EDIL3: variants seen among roughly 807,000 people sequenced by gnomAD.
EDIL3 encodes EGF like and discoidin domains 3.
EDIL3 carries 37 observed loss-of-function variants against 67.4 expected under a neutral mutation model. The observed-to-expected ratio is 0.55, with a 90% CI of 0.42 to 0.72. The LOEUF (loss-of-function observed/expected upper bound fraction) is 0.72, where lower values mean the gene tolerates loss of function less well. Among genes scored for constraint, EDIL3 ranks in the 30% least tolerant of loss-of-function variants. The pLI is 0.00. For synonymous variants in EDIL3, 195 were observed against 196.3 expected (o/e 0.99, Z 0.05); for missense variants, 527 against 586.3 (o/e 0.90, Z 1.04).
chr5:84,357,274 A>G (rs1229681527), intron 1 of EDIL3, among the ~76,000 whole-genome samples: 1 of 151,864 alleles, frequency 6.6e-6, no homozygotes, highest in African/African-American at 2.4e-5. Context: ...TAATTTGTAC[A>G]ATTTCCATTT....
intron 4 of EDIL3, 76 bp from the exon 5 acceptor site, chr5:84,137,430 G>C (rs139832453): frequency 7.7e-7 from 1 of 1,302,568 alleles, no homozygotes; most frequent in African/African-American, 1.5e-5. Flanking sequence ...TTTAACATTT[G>C]AAATACAAAT....
chr5:84,260,398 CAG>C (rs1026892858), intron 1 of EDIL3, among the ~76,000 whole-genome samples: 1 of 152,106 alleles, frequency 6.6e-6, no homozygotes, highest in African/African-American at 2.4e-5. Flanking sequence ...GAAAGGAAGA[CAG>C]GGGAAAAACT....
chr5:84,006,861 C>A (rs1317963519), intron 9 of EDIL3, among the ~76,000 whole-genome samples: 3 of 151,640 alleles, frequency 2.0e-5, no homozygotes, highest in Non-Finnish European at 4.4e-5. Flanking sequence ...TTATTTAAAG[C>A]AAAGAAACTT....
chr5:83,955,280 G>C (rs113997010), intron 10 of EDIL3, among the ~76,000 whole-genome samples: 37 of 151,754 alleles, frequency 2.4e-4, no homozygotes, highest in African/African-American at 8.7e-4. Context: ...TTTGGCATTT[G>C]AGCACTGGGA....
chr5:84,077,105 G>T (rs1746876386), intron 6 of EDIL3, among the ~76,000 whole-genome samples: 1 of 152,170 alleles, frequency 6.6e-6, no homozygotes, highest in African/African-American at 2.4e-5. Context: ...TTACTCATAA[G>T]TGTGTAAAAT....
At chr5:84,280,421 A>G (rs16901032) in intron 1 of EDIL3, among the ~76,000 whole-genome samples, 4,561 of 152,240 alleles carry the variant, frequency 0.03, 245 homozygotes, top group African/African-American at 0.11. Context: ...ACCTGTATGT[A>G]TGTTTTTCTT....
At chr5:84,170,253 A>C (rs1231384901) in intron 4 of EDIL3, among the ~76,000 whole-genome samples, 4 of 152,320 alleles carry the variant, frequency 2.6e-5, no homozygotes, top group Admixed American at 6.5e-5. Flanking sequence ...CCCTGAATGA[A>C]AGAGAAGTTA....
At chr5:84,176,422 C>T (rs1748917141) in intron 4 of EDIL3, among the ~76,000 whole-genome samples, 1 of 150,068 alleles carries the variant, frequency 6.7e-6, no homozygotes, top group African/African-American at 2.5e-5. Context: ...CCAGATCAGC[C>T]CTCTTTTCTT....
chr5:84,158,005 C>T (rs1748524981), intron 4 of EDIL3, among the ~76,000 whole-genome samples: 1 of 151,974 alleles, frequency 6.6e-6, no homozygotes, highest in South Asian at 2.1e-4. Flanking sequence ...GTTGCTATAA[C>T]AAAGCAGCAT....
At chr5:83,962,626 TAAAAC>T (rs1229439206) in intron 10 of EDIL3, among the ~76,000 whole-genome samples, 1 of 151,334 alleles carries the variant, frequency 6.6e-6, no homozygotes, top group African/African-American at 2.4e-5. Context: ...AAAAGAAAAA[TAAAAC>T]AAACCTATGA....
intron 1 of EDIL3, among the ~76,000 whole-genome samples, chr5:84,365,306 TGCATAGAAACTTA>T (rs1425711800): frequency 6.6e-6 from 1 of 152,146 alleles, no homozygotes. Context: ...CCAGTTCTGT[TGCATAGAAACTTA>T]GCTCTAAAAC....
At chr5:84,194,211 C>T (rs1743652387) in intron 3 of EDIL3, among the ~76,000 whole-genome samples, 1 of 151,848 alleles carries the variant, frequency 6.6e-6, no homozygotes. Flanking sequence ...ATTTACCTAG[C>T]ATCTTTTTGG....
At chr5:84,053,747 G>A (rs1746386716) in intron 9 of EDIL3, among the ~76,000 whole-genome samples, 2 of 152,244 alleles carry the variant, frequency 1.3e-5, no homozygotes, top group South Asian at 4.2e-4. Context: ...ACTCTCCCAA[G>A]ACTAAACCAG....
intron 1 of EDIL3, among the ~76,000 whole-genome samples, chr5:84,360,163 G>A (rs1324177814): frequency 6.6e-6 from 1 of 152,120 alleles, no homozygotes; most frequent in Non-Finnish European, 1.5e-5. Flanking sequence ...GAGAGTTGAA[G>A]ATTTGAAGGA....
intron 10 of EDIL3, among the ~76,000 whole-genome samples, chr5:83,959,992 C>T (rs1396927511): frequency 1.3e-5 from 2 of 150,824 alleles, no homozygotes; most frequent in African/African-American, 4.8e-5. Context: ...AGACCTAATG[C>T]TCTGTAATTC....
chr5:84,042,615 G>C (rs1320606072), intron 9 of EDIL3, among the ~76,000 whole-genome samples: 1 of 152,040 alleles, frequency 6.6e-6, no homozygotes, highest in East Asian at 1.9e-4. Flanking sequence ...CTATTCTACT[G>C]AGTAAAAGTA....
chr5:83,985,042 C>A (rs927366879), intron 9 of EDIL3, among the ~76,000 whole-genome samples: 1 of 151,910 alleles, frequency 6.6e-6, no homozygotes, highest in African/African-American at 2.4e-5. Flanking sequence ...TTCCTCGATT[C>A]TCTTTTCAAA....
intron 6 of EDIL3, among the ~76,000 whole-genome samples, chr5:84,096,688 G>A (rs1165433324): frequency 6.6e-6 from 1 of 152,038 alleles, no homozygotes; most frequent in African/African-American, 2.4e-5. Context: ...GGGGACTGTT[G>A]GGAAGGCATG....
chr5:83,998,355 T>C (rs1182178879), intron 9 of EDIL3, among the ~76,000 whole-genome samples: 1 of 152,068 alleles, frequency 6.6e-6, no homozygotes, highest in African/African-American at 2.4e-5. Flanking sequence ...ACTCGCTACG[T>C]TGAAGGGAAA....
Sources: allele counts gnomAD v4.1 joint callset (sites outside exome capture counted in the v4.1 genomes callset), GRCh38; gene constraint gnomAD v4.1.1; transcripts MANE v1.5; gene names NCBI Gene and HGNC (gene_info 2026-07-23, HGNC 2026-07-21).